SEC61A2: variants seen among roughly 807,000 people sequenced by gnomAD.
SEC61A2 encodes the protein SEC61 translocon subunit alpha 2, also known as protein transport protein Sec61 subunit alpha isoform 2.
In SEC61A2, 28 loss-of-function variants were observed where a neutral mutation model predicts 59.9. The observed-to-expected ratio is 0.47, with a 90% CI of 0.35 to 0.64. The LOEUF (loss-of-function observed/expected upper bound fraction) is 0.64, where lower values mean the gene tolerates loss of function less well. Ranked by LOEUF, SEC61A2 falls within the 30% of genes least tolerant of loss-of-function variation. The pLI is 0.01. For missense variants in SEC61A2, 340 were observed against 585.9 expected (o/e 0.58, Z 4.33); for synonymous variants, 202 against 214.4 (o/e 0.94, Z 0.50).
rs1834446789 is a variant in SEC61A2, at chr10:12,158,097, C to T, written c.967C>T (p.Gln323Ter). ...CAACTTTTTAGTAAATTTACTAGGACAGTGGGCCGTGAGTATTATGTTTAT... is the reference window on the plus strand; with the variant it reads ...CAACTTTTTAGTAAATTTACTAGGATAGTGGGCCGTGAGTATTATGTTTAT... ...SGNFLVNLLG[Q>*]WADVSGGGPA... The change falls in exon 9 of 12, where the codon CAG (glutamine) becomes TAG (stop). Residue 323 changes from glutamine to a stop codon, truncating the protein, a stop_gained. Transcript: ENST00000298428. LOFTEE classifies it high-confidence loss of function. The surrounding 1 kb of genome is among the most constrained non-coding windows in gnomAD (Gnocchi z 5.7). 1 of 1,609,156 alleles carries T rather than the reference C, an allele frequency of 6.2e-7. No individual in the cohort carries two copies. The highest frequency in any genetic ancestry group is 8.5e-7 in the Non-Finnish European group (1 of 1,175,494).
chr10:12,169,776 G>A (rs1349290736), downstream of SEC61A2: 4 of 249,340 alleles, frequency 1.6e-5, no homozygotes, highest in Non-Finnish European at 2.3e-5. This position sits in a 1 kb window ranked among gnomAD's most constrained non-coding sequence, Gnocchi z 4.8. Context: ...AAAACCAGGC[G>A]CTCTGCTTAT....
chr10:12,143,277 T>C lies in SEC61A2; in HGVS notation c.220+82T>C, dbSNP rs1344566122. 1.0e-6 allele frequency: 1 copy of C among 992,944 alleles called. No homozygotes were observed. Among genetic ancestry groups the C allele is most frequent in the Admixed American group, 1.7e-5 (1 of 58,950 alleles). The allele number at this position is 992,944 out of a possible 1,614,324, so 61.5% of individuals were successfully genotyped here. Reference sequence around the variant, plus strand: ...GTGGATTAGCAATGAGTTTTCAATGTCTACAGGGAGGGGGAGGATATCATT... The same window carrying C: ...GTGGATTAGCAATGAGTTTTCAATGCCTACAGGGAGGGGGAGGATATCATT... On this transcript the variant is annotated intron_variant, in intron 4 of 11. Coordinates refer to ENST00000298428, the MANE Select transcript of SEC61A2 (RefSeq NM_018144.4). This position sits in a 1 kb window ranked among gnomAD's most constrained non-coding sequence, Gnocchi z 4.8.
chr10:12,164,477 G>A lies in SEC61A2; in HGVS notation c.*23G>A. On this transcript the variant is annotated 3_prime_UTR_variant, in exon 12 of 12. Transcript: ENST00000298428. The surrounding 1 kb of genome is among the most constrained non-coding windows in gnomAD (Gnocchi z 7.3). Reference sequence around the variant, plus strand: ...TAAATGTTCAAATATTTCATTTTGTGCGTGTGAAAGGGAAAACACTTTGAC... The same window carrying A: ...TAAATGTTCAAATATTTCATTTTGTACGTGTGAAAGGGAAAACACTTTGAC... The A allele has an allele frequency of 6.2e-7, 1 of 1,604,640 alleles. No homozygotes were observed. The highest frequency in any genetic ancestry group is 1.1e-5 in the South Asian group (1 of 90,100).
chr10:12,134,082 C>CT (rs1414906039), intron 2 of SEC61A2, among the ~76,000 whole-genome samples: 3 of 152,246 alleles, frequency 2.0e-5, no homozygotes, highest in Non-Finnish European at 4.4e-5. Flanking sequence ...TCAAGGCTCA[C>CT]TGCAAGCTCC....
chr10:12,158,126 C>A lies in SEC61A2; in HGVS notation c.975+21C>A. On this transcript the variant is annotated intron_variant, in intron 9 of 11. Transcript: ENST00000298428. The surrounding 1 kb of genome is among the most constrained non-coding windows in gnomAD (Gnocchi z 5.7). ...GGGCCGTGAGTATTATGTTTATTTACATTATTTATAGTTTATTATAATTTG... is the reference window on the plus strand; with the variant it reads ...GGGCCGTGAGTATTATGTTTATTTAAATTATTTATAGTTTATTATAATTTG... 6.4e-7 allele frequency: 1 copy of A among 1,556,928 alleles called. No homozygotes were observed. The highest frequency in any genetic ancestry group is 1.1e-5 in the South Asian group (1 of 89,168).
chr10:12,158,397 AT>A lies in SEC61A2; in HGVS notation c.975+293del. ...CATAAAAGTAATTTCCTATTTTGTC[AT>A]CTTATTCCAGTATTGTCTACAATAA... On this transcript the variant is annotated intron_variant, in intron 9 of 11. Transcript: ENST00000298428. This position sits in a 1 kb window ranked among gnomAD's most constrained non-coding sequence, Gnocchi z 5.7. 1 of 358,140 alleles carries A rather than the reference AT, an allele frequency of 2.8e-6. No homozygotes were observed. The highest frequency in any genetic ancestry group is 5.2e-6 in the Non-Finnish European group (1 of 193,678). The allele number at this position is 358,140 out of a possible 1,614,324, so 22.2% of individuals were successfully genotyped here. A position where few individuals can be genotyped will look rare whatever the true frequency, so the allele number is the denominator to read the frequency against.
At position 12,160,875 on chromosome 10, in the gene SEC61A2, A is replaced by AT. The variant is rs1318032767; in HGVS notation, c.976-54dup. ...CTGAGAAGTTTGAAGTGACATGCAA[A>AT]TGTATTCCTGACTAATTAGGTTGAC... On this transcript the variant is annotated intron_variant, in intron 9 of 11. Coordinates refer to ENST00000298428, the MANE Select transcript of SEC61A2 (RefSeq NM_018144.4). This position sits in a 1 kb window ranked among gnomAD's most constrained non-coding sequence, Gnocchi z 4.1. The AT allele has an allele frequency of 2.1e-6, 3 of 1,447,238 alleles. No individual in the cohort carries two copies. Among genetic ancestry groups the AT allele is most frequent in the Non-Finnish European group, 2.8e-6 (3 of 1,058,926 alleles). The allele number at this position is 1,447,238 out of a possible 1,614,324, so 89.6% of individuals were successfully genotyped here.
chr10:12,131,856 A>C (rs1833747752), intron 1 of SEC61A2, among the ~76,000 whole-genome samples: 1 of 109,344 alleles, frequency 9.1e-6, no homozygotes, highest in Non-Finnish European at 1.9e-5. Context: ...ACGCCCTGCT[A>C]ATTTTTTTTT....
rs1834631899 is a variant in SEC61A2 at position 12,164,995 on chromosome 10, C to T, written c.*541C>T. 16 of 983,262 alleles carry T rather than the reference C, an allele frequency of 1.6e-5. No individual in the cohort carries two copies. Among genetic ancestry groups the T allele is most frequent in the Non-Finnish European group, 1.8e-5 (15 of 829,802 alleles). The allele number at this position is 983,262 out of a possible 1,614,324, so 60.9% of individuals were successfully genotyped here. ...AAAGCAGCCACTTAGCCCACATGGGCGAAATCAAGTCTCCAGTTATTTCTG... is the reference window on the plus strand; with the variant it reads ...AAAGCAGCCACTTAGCCCACATGGGTGAAATCAAGTCTCCAGTTATTTCTG... On this transcript the variant is annotated 3_prime_UTR_variant, in exon 12 of 12. Coordinates refer to ENST00000298428, the MANE Select transcript of SEC61A2 (RefSeq NM_018144.4). The surrounding 1 kb of genome is among the most constrained non-coding windows in gnomAD (Gnocchi z 7.3).
Position 12,142,887 on chromosome 10 carries a change from G to A in SEC61A2, c.142-230G>A, listed in dbSNP as rs890941888. Among the ~76,000 whole-genome samples the A allele has an allele frequency of 1.3e-5, 2 of 151,462 alleles. No individual in the cohort carries two copies. Among genetic ancestry groups the A allele is most frequent in the Admixed American group, 1.3e-4 (2 of 15,192 alleles). ...TGAAGATATGCTTGTTTTTGTTGAA[G>A]AACATAAGAATAGTTTTTAAAAAAG... On this transcript the variant is annotated intron_variant, in intron 3 of 11. Coordinates refer to ENST00000298428, the MANE Select transcript of SEC61A2 (RefSeq NM_018144.4). This position sits in a 1 kb window ranked among gnomAD's most constrained non-coding sequence, Gnocchi z 5.4.
At chr10:12,148,271 A>G (rs1308081232) in intron 4 of SEC61A2, among the ~76,000 whole-genome samples, 1 of 103,604 alleles carries the variant, frequency 9.7e-6, no homozygotes, top group South Asian at 3.1e-4. Context: ...TTAAGACAGA[A>G]TTTCGCTCTT....
In SEC61A2 at chr10:12,155,822, A is replaced by G. The variant is rs1302880555; in HGVS notation, c.507A>G (p.Leu169=). The part of the protein sequence containing the change: ...GLIVLLLDEL[L]QKGYGLGSGI... The stretch of plus-strand genomic sequence containing the variant: ...TTGTGCTGCTGTTAGATGAGCTGCT[A>G]CAGAAGGGTTACGGCTTGGGGTCTG... The change falls in exon 7 of 12, where the codon CTA becomes CTG. Residue 169 remains leucine, a synonymous_variant. Transcript: ENST00000298428. This position sits in a 1 kb window ranked among gnomAD's most constrained non-coding sequence, Gnocchi z 4.3. 1 of 1,614,066 alleles carries G rather than the reference A, an allele frequency of 6.2e-7. No individual in the cohort carries two copies. The highest frequency in any genetic ancestry group is 1.7e-5 in the Admixed American group (1 of 60,000).
chr10:12,165,509 A>C (rs11972), downstream of SEC61A2: 1 of 282,428 alleles, frequency 3.5e-6, no homozygotes, highest in East Asian at 1.7e-4. Flanking sequence ...CTTTAATCCT[A>C]AATTATTGAC....
At chr10:12,169,498 G>A (rs1036494185), downstream of SEC61A2, 7 of 548,232 alleles carry the variant, frequency 1.3e-5, no homozygotes, top group African/African-American at 3.8e-5. The surrounding 1 kb of genome is among the most constrained non-coding windows in gnomAD (Gnocchi z 4.8). Flanking sequence ...AAACCGAGTC[G>A]GGCCTGTGAC....
At position 12,142,394 on chromosome 10, in the gene SEC61A2, T is replaced by C. The variant is rs1299864539; in HGVS notation, c.142-723T>C. ...TAGTTTAGAACTGCTATTTTATATT[T>C]AGTTTTATGACATAAGTACTTCTTC... On this transcript the variant is annotated intron_variant, in intron 3 of 11. Coordinates refer to ENST00000298428, the MANE Select transcript of SEC61A2 (RefSeq NM_018144.4). This position sits in a 1 kb window ranked among gnomAD's most constrained non-coding sequence, Gnocchi z 5.4. 2 of 325,994 alleles carry C rather than the reference T, an allele frequency of 6.1e-6. No homozygotes were observed. The highest frequency in any genetic ancestry group is 8.8e-6 in the Non-Finnish European group (2 of 227,330). 20.2% of individuals were successfully genotyped at this position (325,994 alleles called of 1,614,324 possible). A position where few individuals can be genotyped will look rare whatever the true frequency, so the allele number is the denominator to read the frequency against.
intron 3 of SEC61A2, among the ~76,000 whole-genome samples, chr10:12,138,530 C>T (rs1363359715): frequency 6.6e-6 from 1 of 152,208 alleles, no homozygotes; most frequent in African/African-American, 2.4e-5. Context: ...TAACCTTTCT[C>T]AGTGAATCTC....
intron 3 of SEC61A2, among the ~76,000 whole-genome samples, chr10:12,141,859 C>T (rs11257563): frequency 0.35 from 52,925 of 151,870 alleles, 9,683 homozygotes; most frequent in East Asian, 0.42. Flanking sequence ...GTGAAAGGGC[C>T]ATATATGCAA....
In SEC61A2 at chr10:12,160,394, C is replaced by T. The variant is rs1834499105; in HGVS notation, c.976-536C>T. ...TTTAATATGAGCAAATAATGCTGTTCCTATTTCTGTAAGATTTAAGTATAT... is the reference window on the plus strand; with the variant it reads ...TTTAATATGAGCAAATAATGCTGTTTCTATTTCTGTAAGATTTAAGTATAT... On this transcript the variant is annotated intron_variant, in intron 9 of 11. Coordinates refer to ENST00000298428, the MANE Select transcript of SEC61A2 (RefSeq NM_018144.4). The surrounding 1 kb of genome is among the most constrained non-coding windows in gnomAD (Gnocchi z 4.1). Among the ~76,000 whole-genome samples the T allele has an allele frequency of 6.6e-6, 1 of 152,072 alleles. No individual in the cohort carries two copies. Among genetic ancestry groups the T allele is most frequent in the South Asian group, 2.1e-4 (1 of 4,828 alleles).
At chr10:12,151,875 C>T (rs1323780814) in intron 6 of SEC61A2, among the ~76,000 whole-genome samples, 1 of 147,696 alleles carries the variant, frequency 6.8e-6, no homozygotes, top group Non-Finnish European at 1.5e-5. Context: ...TGGGTTCAAG[C>T]GATTCTCCTG....
Sources: gnomAD v4.1 joint callset for allele counts (sites outside exome capture counted in the v4.1 genomes callset) on GRCh38, gnomAD v4.1.1 for gene constraint, Gnocchi (gnomAD v3.1) non-coding constraint, MANE v1.5 for transcripts, NCBI Gene and HGNC (gene_info 2026-07-23, HGNC 2026-07-21) for gene names.